The following SWAP70 variants were observed in gnomAD, a reference collection of about 807,000 sequenced individuals.
The protein encoded by SWAP70 is switching B cell complex subunit SWAP70, also known as switch-associated protein 70.
Under a neutral mutation model 80.2 loss-of-function variants are expected in SWAP70, and 34 were observed. That is an observed-to-expected ratio of 0.42 (90% confidence interval 0.32 to 0.56). The LOEUF (loss-of-function observed/expected upper bound fraction) is 0.56, where lower values mean the gene tolerates loss of function less well. Among genes scored for constraint, SWAP70 ranks in the 20% least tolerant of loss-of-function variants. The pLI, the probability that SWAP70 is intolerant of heterozygous loss-of-function variation, is 0.09. For synonymous variants in SWAP70, 239 were observed against 238.5 expected (o/e 1.00, Z -0.02); for missense variants, 578 against 690.7 (o/e 0.84, Z 1.83).
intron 3 of SWAP70, among the ~76,000 whole-genome samples, chr11:9,720,879 G>A (rs1245881077): frequency 2.0e-5 from 3 of 152,092 alleles, no homozygotes; most frequent in Non-Finnish European, 4.4e-5. Flanking sequence ...ACAGTGGCGC[G>A]ATCTTGGCTC....
At chr11:9,740,559 G>A in intron 9 of SWAP70, 1 of 582,824 alleles carries the variant, frequency 1.7e-6, no homozygotes, top group Non-Finnish European at 3.0e-6. Context: ...CCTTGCTTCT[G>A]GGGCTAAATA....
In SWAP70 at chr11:9,724,819, C is replaced by T; in HGVS notation, c.576C>T (p.Asp192=). The change falls in exon 4 of 12, where the codon GAC becomes GAT. Residue 192 remains aspartate, a synonymous_variant. Coordinates refer to ENST00000318950, the MANE Select transcript of SWAP70 (RefSeq NM_015055.4). The part of the protein sequence containing the change: ...IGNGQFSKGM[D]RQTVSMAINE... ...ATGGACAGTTTAGCAAAGGCATGGA[C>T]CGGCAGACTGTGTCTATGGCAATTA... is the stretch of plus-strand genomic sequence containing the variant. The T allele has an allele frequency of 6.2e-7, 1 of 1,613,996 alleles. No homozygotes were observed. The highest frequency in any genetic ancestry group is 1.1e-5 in the South Asian group (1 of 91,070).
intron 3 of SWAP70, 90 bp downstream of exon 3, chr11:9,713,729 T>A (rs1029561135): frequency 2.9e-6 from 4 of 1,390,978 alleles, no homozygotes; most frequent in Admixed American, 2.2e-5. Flanking sequence ...AGCATAGATA[T>A]GGAAGGAGAT....
chr11:9,749,988 C>G lies in SWAP70; in HGVS notation c.*18C>G, dbSNP rs777428904. 6 of 1,538,878 alleles carry G rather than the reference C, an allele frequency of 3.9e-6. No individual in the cohort carries two copies. Among genetic ancestry groups the G allele is most frequent in the Admixed American group, 1.7e-5 (1 of 59,826 alleles). On this transcript the variant is annotated 3_prime_UTR_variant, in exon 12 of 12. Transcript: ENST00000318950. ...CGGAGTGACTGAGCTTGCTGGCAGT[C>G]ACGTCAGTTATGTAGATACTGCATG...
intron 1 of SWAP70, among the ~76,000 whole-genome samples, chr11:9,674,881 A>G (rs967411691): frequency 6.6e-6 from 1 of 151,832 alleles, no homozygotes; most frequent in African/African-American, 2.4e-5. Flanking sequence ...AGGCAGGAGA[A>G]TGGTGTGAAC....
chr11:9,671,116 T>A (rs892429284), intron 1 of SWAP70, among the ~76,000 whole-genome samples: 17 of 134,602 alleles, frequency 1.3e-4, no homozygotes, highest in African/African-American at 2.6e-4. Context: ...AATATAAAAA[T>A]ATATATAAAT....
At chr11:9,672,880 A>G (rs1165049749) in intron 1 of SWAP70, among the ~76,000 whole-genome samples, 1 of 152,190 alleles carries the variant, frequency 6.6e-6, no homozygotes, top group Non-Finnish European at 1.5e-5. Context: ...CTGAAGAAAA[A>G]TTAACAACAT....
At chr11:9,725,986 C>T (rs1851220404) in intron 4 of SWAP70, among the ~76,000 whole-genome samples, 1 of 135,744 alleles carries the variant, frequency 7.4e-6, no homozygotes. Context: ...TTGTAATCCC[C>T]TTCAGGTAAT....
chr11:9,704,703 G>C (rs1195325770), intron 2 of SWAP70, among the ~76,000 whole-genome samples: 1 of 152,084 alleles, frequency 6.6e-6, no homozygotes, highest in Non-Finnish European at 1.5e-5. Flanking sequence ...AGAGTTCCCT[G>C]TATTCCCCTT....
At chr11:9,735,725 G>T (rs1851355191) in intron 7 of SWAP70, among the ~76,000 whole-genome samples, 1 of 152,232 alleles carries the variant, frequency 6.6e-6, no homozygotes, top group South Asian at 2.1e-4. Context: ...AGAACTTTCT[G>T]ATGAGTAGTC....
At chr11:9,734,258 T>A (rs530207753) in intron 7 of SWAP70, among the ~76,000 whole-genome samples, 1 of 152,346 alleles carries the variant, frequency 6.6e-6, no homozygotes, top group Non-Finnish European at 1.5e-5. Flanking sequence ...ATTTTTGCCT[T>A]TTCCAAATTG....
chr11:9,708,180 A>G (rs893763547), intron 2 of SWAP70, among the ~76,000 whole-genome samples: 1 of 152,208 alleles, frequency 6.6e-6, no homozygotes, highest in African/African-American at 2.4e-5. Flanking sequence ...GCTAGATCAT[A>G]TGGTAGTTCT....
chr11:9,675,849 C>G (rs1035005422), intron 1 of SWAP70, among the ~76,000 whole-genome samples: 2 of 152,104 alleles, frequency 1.3e-5, no homozygotes, highest in Non-Finnish European at 2.9e-5. Context: ...GTTGAGAGTA[C>G]GTAGGCCTTT....
chr11:9,717,445 G>A (rs1851080289), intron 3 of SWAP70, among the ~76,000 whole-genome samples: 1 of 152,078 alleles, frequency 6.6e-6, no homozygotes, highest in Non-Finnish European at 1.5e-5. Flanking sequence ...ACTAGCCTGG[G>A]CAACATGGTG....
At chr11:9,732,787 G>A in intron 7 of SWAP70, 77 bp downstream of exon 7, 1 of 1,361,090 alleles carries the variant, frequency 7.3e-7, no homozygotes, top group Non-Finnish European at 9.9e-7. Context: ...AGGGGTGTTG[G>A]TTCTACCAAG....
At chr11:9,719,629 A>G (rs1378320493) in intron 3 of SWAP70, among the ~76,000 whole-genome samples, 1 of 152,254 alleles carries the variant, frequency 6.6e-6, no homozygotes, top group Non-Finnish European at 1.5e-5. Context: ...AGTGACTTAC[A>G]TAGTGAAGTT....
intron 1 of SWAP70, among the ~76,000 whole-genome samples, chr11:9,682,220 C>T (rs1850576300): frequency 6.6e-6 from 1 of 152,180 alleles, no homozygotes; most frequent in Non-Finnish European, 1.5e-5. Context: ...ACACTCTCTG[C>T]TTGGTTAGCC....
intron 1 of SWAP70, 124 bp downstream of exon 1, chr11:9,664,402 A>G: frequency 1.9e-6 from 2 of 1,078,818 alleles, no homozygotes; most frequent in South Asian, 1.6e-5. Flanking sequence ...TGCGCCCGGT[A>G]GGCCCGCTTG....
chr11:9,713,477 C>T lies in SWAP70; in HGVS notation c.252C>T (p.Asn84=). Residue 84 remains asparagine, a synonymous_variant, in exon 3 of 12, where the codon AAC becomes AAT. Transcript: ENST00000318950. ...TTATTCCTTTTTAGGTCCAAGACAACTTTGACAAGATTGAATTCAATAGGA... is the reference window on the plus strand; with the variant it reads ...TTATTCCTTTTTAGGTCCAAGACAATTTTGACAAGATTGAATTCAATAGGA... ...NRFILEKVQD[N]FDKIEFNRMC... The T allele has an allele frequency of 6.2e-7, 1 of 1,611,602 alleles. No individual in the cohort carries two copies. Among genetic ancestry groups the T allele is most frequent in the Non-Finnish European group, 8.5e-7 (1 of 1,179,164 alleles).
Sources: allele counts gnomAD v4.1 joint callset (sites outside exome capture counted in the v4.1 genomes callset), GRCh38; gene constraint gnomAD v4.1.1; transcripts MANE v1.5; gene names NCBI Gene and HGNC (gene_info 2026-07-23, HGNC 2026-07-21).